The following MAP3K4 variants were observed in gnomAD, a reference collection of about 807,000 sequenced individuals.
The protein encoded by MAP3K4 is mitogen-activated protein kinase kinase kinase 4.
Under a neutral mutation model 185.6 loss-of-function variants are expected in MAP3K4, and 67 were observed. The observed-to-expected ratio is 0.36, with a 90% confidence interval of 0.30 to 0.44. The LOEUF is 0.44. Among genes scored for constraint, MAP3K4 ranks in the 20% least tolerant of loss-of-function variants. MAP3K4 has a pLI of 1.00. For synonymous variants in MAP3K4, 702 were observed against 710.4 expected (o/e 0.99, Z 0.19); for missense variants, 1,551 against 1,995.1 (o/e 0.78, Z 4.24).
At chr6:161,009,113 T>C (rs1239563615) in intron 1 of MAP3K4, among the ~76,000 whole-genome samples, 2 of 151,974 alleles carry the variant, frequency 1.3e-5, no homozygotes, top group African/African-American at 4.8e-5. Flanking sequence ...GCATCCCTAG[T>C]AGCTGGGACT....
Position 161,093,729 on chromosome 6 carries a change from T to A in MAP3K4, c.3349-44T>A, listed in dbSNP as rs1219835243. The A allele has an allele frequency of 1.8e-6, 2 of 1,093,934 alleles. No individual in the cohort carries two copies. Among genetic ancestry groups the A allele is most frequent in the Middle Eastern group, 2.0e-4 (1 of 4,976 alleles). The allele number at this position is 1,093,934 out of a possible 1,614,324, so 67.8% of individuals were successfully genotyped here. A position where few individuals can be genotyped will look rare whatever the true frequency, so the allele number is the denominator to read the frequency against. On this transcript the variant is annotated intron_variant, in intron 14 of 26. Transcript: ENST00000392142. This position sits in a 1 kb window ranked among gnomAD's most constrained non-coding sequence, Gnocchi z 5.2. Reference sequence around the variant, plus strand: ...TGCTACTTACATAATTAAGAAAGTATGCATGTTTTCTCTTTACCTTTCCCA... The same window carrying A: ...TGCTACTTACATAATTAAGAAAGTAAGCATGTTTTCTCTTTACCTTTCCCA...
chr6:161,090,355 C>A (rs1444799529), intron 11 of MAP3K4, among the ~76,000 whole-genome samples: 1 of 152,072 alleles, frequency 6.6e-6, no homozygotes, highest in Non-Finnish European at 1.5e-5. Context: ...GACAAAAGCT[C>A]GAGCCAGGGC....
rs1349123027 is a variant in MAP3K4 at position 161,080,720 on chromosome 6, C to T, written c.2098-161C>T. ...TTTTAAAAAATCCTCATTTAGACCTCAGCTAACAGTGGTGAGAACCTTGCT... is the reference window on the plus strand; with the variant it reads ...TTTTAAAAAATCCTCATTTAGACCTTAGCTAACAGTGGTGAGAACCTTGCT... On this transcript the variant is annotated intron_variant, in intron 5 of 26. Coordinates refer to ENST00000392142, the MANE Select transcript of MAP3K4 (RefSeq NM_005922.4). The surrounding 1 kb of genome is among the most constrained non-coding windows in gnomAD (Gnocchi z 4.8). 4.9e-6 allele frequency: 3 copies of T among 613,650 alleles called. No individual in the cohort carries two copies. In the East Asian group the frequency reaches 8.6e-5, roughly 18 times the overall value. The allele number at this position is 613,650 out of a possible 1,614,324, so 38.0% of individuals were successfully genotyped here. A position where few individuals can be genotyped will look rare whatever the true frequency, so the allele number is the denominator to read the frequency against.
rs1434362525 is a variant in MAP3K4, at chr6:161,049,297, A to G, written c.1025A>G (p.Glu342Gly). The G allele has an allele frequency of 1.9e-6, 3 of 1,614,164 alleles. No homozygotes were observed. In the South Asian group the frequency reaches 3.3e-5, roughly 18 times the overall value. Residue 342 changes from glutamate to glycine, a missense_variant, in exon 3 of 27, where the codon GAG becomes GGG. Glu to Gly is a moderately conservative substitution (Grantham distance 98, BLOSUM62 -2). Around this residue, in one of 16 missense-constraint regions of MAP3K4, gnomAD observed 93 missense variants for 96.7 expected, o/e 0.96. Coordinates refer to ENST00000392142, the MANE Select transcript of MAP3K4 (RefSeq NM_005922.4). This position sits in a 1 kb window ranked among gnomAD's most constrained non-coding sequence, Gnocchi z 8.4. ...ATTGTAGGTTACTCAACACATCATG[A>G]GCATCTCCAACGCCAGAGGGTCTCA... The part of the protein sequence containing the change: ...TKIVGYSTHH[E>G]HLQRQRVSFE...
At chr6:161,111,209 T>C (rs751121819) in intron 23 of MAP3K4, among the ~76,000 whole-genome samples, 9 of 152,180 alleles carry the variant, frequency 5.9e-5, no homozygotes, top group Non-Finnish European at 1.2e-4. Flanking sequence ...GGAGGTACCA[T>C]AGAACACAAT....
chr6:161,059,873 T>TC (rs1784411426), intron 3 of MAP3K4, among the ~76,000 whole-genome samples: 1 of 151,776 alleles, frequency 6.6e-6, no homozygotes, highest in Non-Finnish European at 1.5e-5. Flanking sequence ...TTTTTTTTTT[T>TC]GCCATATATG....
Position 161,091,353 on chromosome 6 carries a change from C to A in MAP3K4, c.2974-26C>A. The A allele has an allele frequency of 6.3e-7, 1 of 1,589,828 alleles. No homozygotes were observed. The highest frequency in any genetic ancestry group is 1.1e-5 in the South Asian group (1 of 88,066). On this transcript the variant is annotated intron_variant, in intron 11 of 26. Coordinates refer to ENST00000392142, the MANE Select transcript of MAP3K4 (RefSeq NM_005922.4). This position sits in a 1 kb window ranked among gnomAD's most constrained non-coding sequence, Gnocchi z 5.5. ...GTATTGTATGATTTGCTTCATTTTG[C>A]ATTAATCATGGTTTGGACTCTTCAG...
At chr6:161,113,726 C>T (rs1562551066) in intron 25 of MAP3K4, among the ~76,000 whole-genome samples, 1 of 150,700 alleles carries the variant, frequency 6.6e-6, no homozygotes, top group African/African-American at 2.4e-5. Flanking sequence ...AGATGACAGC[C>T]TCATTAACCA....
chr6:161,086,422 C>T lies in MAP3K4; in HGVS notation c.2416C>T (p.His806Tyr). Reference sequence around the variant, plus strand: ...CAGTCGAGCCCTGAAGGAGCTCTTCCATGAAGCCAGAGAAAGGGCTTCCAA... The same window carrying T: ...CAGTCGAGCCCTGAAGGAGCTCTTCTATGAAGCCAGAGAAAGGGCTTCCAA... Reference protein sequence around the residue: ...EISRALKELFHEARERASKAL... With the variant: ...EISRALKELFYEARERASKAL... Residue 806 changes from histidine (H) to tyrosine (Y), a missense_variant, in exon 8 of 27, where the codon CAT becomes TAT. By Grantham distance (83) the His-to-Tyr change is moderately conservative. Coordinates refer to ENST00000392142, the MANE Select transcript of MAP3K4 (RefSeq NM_005922.4). The surrounding 1 kb of genome is among the most constrained non-coding windows in gnomAD (Gnocchi z 4.8). The T allele has an allele frequency of 6.2e-7, 1 of 1,614,120 alleles. No individual in the cohort carries two copies. Among genetic ancestry groups the T allele is most frequent in the Non-Finnish European group, 8.5e-7 (1 of 1,179,996 alleles).
rs34018542 is a variant in MAP3K4, at chr6:161,070,652, G to T, written c.1752G>T (p.Gln584His). ...CCATGTGGGGTTCAGATTATGTGCA[G>T]TTGTCAAGGACACCACCTTCATCTG... ...PDPMWGSDYVQLSRTPPSSEE... is the reference protein window; with the variant it reads ...PDPMWGSDYVHLSRTPPSSEE... Residue 584 changes from glutamine to histidine, a missense_variant, in exon 4 of 27, where the codon CAG becomes CAT. By Grantham distance (24) the Gln-to-His change is conservative. This residue lies in a region of MAP3K4 where 86 missense variants were observed against 81.6 expected (regional missense o/e 1.05). Coordinates refer to ENST00000392142, the MANE Select transcript of MAP3K4 (RefSeq NM_005922.4). The surrounding 1 kb of genome is among the most constrained non-coding windows in gnomAD (Gnocchi z 4.5). 4.5e-3 allele frequency: 7,254 copies of T among 1,613,980 alleles called. 20 individuals carry two copies. Among genetic ancestry groups the T allele is most frequent in the Non-Finnish European group, 5.6e-3 (6,578 of 1,179,932 alleles).
At chr6:161,011,216 G>A (rs1270616270) in intron 1 of MAP3K4, among the ~76,000 whole-genome samples, 1 of 152,138 alleles carries the variant, frequency 6.6e-6, no homozygotes, top group East Asian at 1.9e-4. Flanking sequence ...TTTAAGGAAA[G>A]TTTCTCTGGT....
intron 3 of MAP3K4, among the ~76,000 whole-genome samples, chr6:161,069,663 G>A (rs1271338790): frequency 6.6e-6 from 1 of 152,192 alleles, no homozygotes; most frequent in Non-Finnish European, 1.5e-5. Context: ...TCAGTGCCAG[G>A]CGTGGGGACG....
chr6:161,003,696 T>C (rs1195490010), intron 1 of MAP3K4, among the ~76,000 whole-genome samples: 2 of 152,082 alleles, frequency 1.3e-5, no homozygotes, highest in East Asian at 3.9e-4. Context: ...CAAAATAACT[T>C]AAAGTGGCTG....
In MAP3K4 at chr6:161,103,603, A is replaced by G. The variant is rs150511611; in HGVS notation, c.3856+824A>G. Among the ~76,000 whole-genome samples, 262 of 152,184 alleles carry G rather than the reference A, an allele frequency of 1.7e-3. 1 individual carries two copies. Among genetic ancestry groups the G allele is most frequent in the African/African-American group, 6.2e-3 (258 of 41,522 alleles). ...AGGAGAAACTGGAGAGTGAGGGGAG[A>G]TCAGATCATGGACAGCCATCAGTGA... On this transcript the variant is annotated intron_variant, in intron 19 of 26. Coordinates refer to ENST00000392142, the MANE Select transcript of MAP3K4 (RefSeq NM_005922.4). This position sits in a 1 kb window ranked among gnomAD's most constrained non-coding sequence, Gnocchi z 4.6.
intron 2 of MAP3K4, among the ~76,000 whole-genome samples, chr6:161,039,871 A>G (rs1175539042): frequency 1.3e-5 from 2 of 152,174 alleles, no homozygotes; most frequent in Admixed American, 6.5e-5. Context: ...AAAGTAAGGT[A>G]TTGTTTGGAT....
rs141687522 is a variant in MAP3K4, at chr6:161,079,452, C to A, written c.2098-1429C>A. ...ATTAGCCAGTTGTGGTGGCGCATGC[C>A]TGTAATCCCAGCTACTCAGGAGGCT... On this transcript the variant is annotated intron_variant, in intron 5 of 26. Transcript: ENST00000392142. Among the ~76,000 whole-genome samples the A allele has an allele frequency of 1.4e-3, 215 of 148,784 alleles. 2 individuals are homozygous for A. Among genetic ancestry groups the A allele is most frequent in the African/African-American group, 5.0e-3 (201 of 40,370 alleles).
rs370279174 is a variant in MAP3K4, at chr6:161,116,817, G to C, written c.4807-33G>C. On this transcript the variant is annotated intron_variant, in intron 26 of 26. Coordinates refer to ENST00000392142, the MANE Select transcript of MAP3K4 (RefSeq NM_005922.4). The surrounding 1 kb of genome is among the most constrained non-coding windows in gnomAD (Gnocchi z 6.2). ...TATGCACAAGCACACACCTGGCTCT[G>C]CAAGAGCTCAGCTCTCTCCTGCTTC... 22 of 1,612,322 alleles carry C rather than the reference G, an allele frequency of 1.4e-5. No individual in the cohort carries two copies. The highest frequency in any genetic ancestry group is 9.3e-5 in the African/African-American group (7 of 74,900).
rs945636695 is a variant in MAP3K4, at chr6:161,108,275, A to C, written c.4119+306A>C. 2.0e-5 allele frequency among the ~76,000 whole-genome samples: 3 copies of C among 152,230 alleles called. No homozygotes were observed. Among genetic ancestry groups the C allele is most frequent in the Admixed American group, 6.5e-5 (1 of 15,282 alleles). On this transcript the variant is annotated intron_variant, in intron 21 of 26. Coordinates refer to ENST00000392142, the MANE Select transcript of MAP3K4 (RefSeq NM_005922.4). The surrounding 1 kb of genome is among the most constrained non-coding windows in gnomAD (Gnocchi z 5.7). The stretch of plus-strand genomic sequence containing the variant: ...AGGAGAGGATTAACAGTAGTGTCTT[A>C]TGGGGACACATTGGGGGAGAAGATA...
intron 19 of MAP3K4, 149 bp downstream of exon 19, chr6:161,102,928 A>G: frequency 5.2e-6 from 3 of 580,062 alleles, no homozygotes; most frequent in East Asian, 2.9e-5. Context: ...CTCTGACATC[A>G]CTTTCTATCA....
Sources: gnomAD v4.1 joint callset for allele counts (sites outside exome capture counted in the v4.1 genomes callset) on GRCh38, gnomAD v4.1.1 for gene constraint, gnomAD v4.1.1 regional missense constraint, Gnocchi (gnomAD v3.1) non-coding constraint, MANE v1.5 for transcripts, NCBI Gene and HGNC (gene_info 2026-07-23, HGNC 2026-07-21) for gene names.